UBR2: variants seen among roughly 807,000 people sequenced by gnomAD.
The protein encoded by UBR2 is E3 ubiquitin-protein ligase UBR2.
Under a neutral mutation model 247.9 loss-of-function variants are expected in UBR2, and 92 were observed. That is an observed-to-expected ratio of 0.37 (90% CI 0.31 to 0.44). UBR2 has a LOEUF of 0.44. Among genes scored for constraint, UBR2 ranks in the 20% least tolerant of loss-of-function variants. The pLI is 1.00. For missense variants in UBR2, 1,613 were observed against 2,112.6 expected (o/e 0.76, Z 4.64); for synonymous variants, 672 against 693.5 (o/e 0.97, Z 0.49).
chr6:42,632,699 C>T lies in UBR2; in HGVS notation c.1429C>T (p.Leu477Phe). 1.3e-6 allele frequency: 2 copies of T among 1,595,646 alleles called. No homozygotes were observed. Among genetic ancestry groups the T allele is most frequent in the Non-Finnish European group, 1.7e-6 (2 of 1,174,060 alleles). ...CTTCAAATTTAGGAGAGTACAGAGC[C>T]TTATTTTAGATCTCAAGTAAGTTTT... ...QAFKFRRVQSLILDLKYVLIS... is the reference protein window; with the variant it reads ...QAFKFRRVQSFILDLKYVLIS... Residue 477 changes from leucine to phenylalanine, a missense_variant, in exon 12 of 47, where the codon CTT becomes TTT. This residue lies in a region of UBR2 where 1,524 missense variants were observed against 1,967.3 expected (regional missense o/e 0.77). Coordinates refer to ENST00000372901, the MANE Select transcript of UBR2 (RefSeq NM_001363705.2).
intron 25 of UBR2, among the ~76,000 whole-genome samples, chr6:42,652,896 A>G (rs1354445611): frequency 6.6e-6 from 1 of 152,130 alleles, no homozygotes; most frequent in African/African-American, 2.4e-5. Flanking sequence ...GTCTTTATAT[A>G]TGTAGTATTC....
At chr6:42,568,432 A>G (rs892719045) in intron 1 of UBR2, among the ~76,000 whole-genome samples, 1 of 152,122 alleles carries the variant, frequency 6.6e-6, no homozygotes, top group East Asian at 1.9e-4. Context: ...AATGTTTTAA[A>G]TATTTATCCA....
At chr6:42,640,300 A>G (rs1490430233) in intron 16 of UBR2, 30 bp downstream of exon 16, 7 of 1,550,174 alleles carry the variant, frequency 4.5e-6, no homozygotes, top group Non-Finnish European at 6.1e-6. Context: ...AAAAGTGAAT[A>G]CTTATTTATT....
rs750732481 is a variant in UBR2 at position 42,688,210 on chromosome 6, T to G, written c.4854-6T>G. On this transcript the variant is annotated splice_polypyrimidine_tract_variant and splice_region_variant and intron_variant, in intron 44 of 46. Coordinates refer to ENST00000372901, the MANE Select transcript of UBR2 (RefSeq NM_001363705.2). ...CAATGACTTGTGGGTTTTTTATCCC[T>G]TGGAGGTGCCCGAAATCAGGTGGTG... is the stretch of plus-strand genomic sequence containing the variant. 1.9e-6 allele frequency: 3 copies of G among 1,614,078 alleles called. No individual in the cohort carries two copies. The highest frequency in any genetic ancestry group is 2.5e-6 in the Non-Finnish European group (3 of 1,180,030).
chr6:42,611,001 A>G (rs903343638), intron 7 of UBR2, among the ~76,000 whole-genome samples: 3 of 151,416 alleles, frequency 2.0e-5, no homozygotes, highest in African/African-American at 7.3e-5. Flanking sequence ...ATGCTCCACC[A>G]CGCTCGGCTA....
At chr6:42,622,817 T>G (rs1795079448) in intron 11 of UBR2, among the ~76,000 whole-genome samples, 1 of 150,846 alleles carries the variant, frequency 6.6e-6, no homozygotes, top group South Asian at 2.1e-4. Context: ...TTTTCCACAT[T>G]CATTTATTCT....
intron 16 of UBR2, among the ~76,000 whole-genome samples, chr6:42,640,835 T>G (rs1421318789): frequency 6.6e-6 from 1 of 152,050 alleles, no homozygotes; most frequent in Non-Finnish European, 1.5e-5. Flanking sequence ...GTTTAAGGAA[T>G]TCTCCTGCCT....
intron 7 of UBR2, among the ~76,000 whole-genome samples, chr6:42,608,564 AG>A (rs1458422749): frequency 6.6e-6 from 1 of 152,192 alleles, no homozygotes; most frequent in Non-Finnish European, 1.5e-5. Flanking sequence ...CAGGAGTCCA[AG>A]GGTATAGTGA....
chr6:42,614,375 T>TATATATGTACGTACGTACATACATAC (rs70990112), intron 8 of UBR2, among the ~76,000 whole-genome samples: 1 of 69,750 alleles, frequency 1.4e-5, no homozygotes, highest in South Asian at 5.0e-4. Context: ...TGTGTATGTG[T>TATATATGTACGTACGTACATACATAC]GTATATATGT....
chr6:42,632,069 A>AAAAATATATATATATATATATATATATAT, intron 11 of UBR2, among the ~76,000 whole-genome samples: 1 of 114,074 alleles, frequency 8.8e-6, no homozygotes, highest in African/African-American at 3.4e-5. Context: ...AAAAAAAAAA[A>AAAAATATATATATATATATATATATATAT]ATATATATAT....
At chr6:42,690,402 G>C (rs1476951695) in intron 46 of UBR2, among the ~76,000 whole-genome samples, 1 of 152,146 alleles carries the variant, frequency 6.6e-6, no homozygotes, top group Non-Finnish European at 1.5e-5. Context: ...GAGGAGGAGA[G>C]TCTGATTAGT....
chr6:42,574,550 A>G lies in UBR2; in HGVS notation c.338+557A>G, dbSNP rs187995392. ...GTATGCATTTACTGCTGTTAGGAAG[A>G]CTTTTCTTTTTTAAATTTCTTGGTG... On this transcript the variant is annotated intron_variant, in intron 2 of 46. Coordinates refer to ENST00000372901, the MANE Select transcript of UBR2 (RefSeq NM_001363705.2). Among the ~76,000 whole-genome samples the G allele has an allele frequency of 7.0e-4, 107 of 152,212 alleles. 2 individuals carry two copies. The highest frequency in any genetic ancestry group is 1.5e-4 in the Non-Finnish European group (10 of 68,004).
Position 42,658,972 on chromosome 6 carries a change from T to C in UBR2, c.3242+148T>C, listed in dbSNP as rs565637227. 1.3e-4 allele frequency: 119 copies of C among 918,344 alleles called. No individual in the cohort carries two copies. In the South Asian group the frequency reaches 1.8e-3, roughly 14 times the overall value. 56.9% of individuals were successfully genotyped at this position (918,344 alleles called of 1,614,324 possible). A position where few individuals can be genotyped will look rare whatever the true frequency, so the allele number is the denominator to read the frequency against. On this transcript the variant is annotated intron_variant, in intron 29 of 46. Coordinates refer to ENST00000372901, the MANE Select transcript of UBR2 (RefSeq NM_001363705.2). ...AATTTTGTGACCTCCATTTAGAAGA[T>C]TTAATCTTAGAAGTCTCTGAATGTA...
chr6:42,677,713 G>A (rs1471233776), intron 40 of UBR2, among the ~76,000 whole-genome samples: 1 of 152,156 alleles, frequency 6.6e-6, no homozygotes, highest in African/African-American at 2.4e-5. Context: ...GGTGAAGGCT[G>A]CAGTGAGCCA....
At chr6:42,637,664 A>G (rs1356739540) in intron 15 of UBR2, among the ~76,000 whole-genome samples, 22 of 152,126 alleles carry the variant, frequency 1.4e-4, no homozygotes, top group Admixed American at 1.2e-3. Flanking sequence ...TGTTTCATAT[A>G]TTTATTGATA....
chr6:42,592,972 A>G (rs1378461802), intron 3 of UBR2, among the ~76,000 whole-genome samples: 2 of 152,072 alleles, frequency 1.3e-5, no homozygotes, highest in Non-Finnish European at 2.9e-5. Flanking sequence ...CAGGAGATCA[A>G]CACCATCCTG....
chr6:42,644,218 G>T lies in UBR2; in HGVS notation c.2102G>T (p.Gly701Val). The T allele has an allele frequency of 6.3e-7, 1 of 1,582,780 alleles. No individual in the cohort carries two copies. Among genetic ancestry groups the T allele is most frequent in the African/African-American group, 1.4e-5 (1 of 72,578 alleles). ...FDKDVVMLQT[G>V]VSMMDPNHFL... The stretch of plus-strand genomic sequence containing the variant: ...AACATTAAAAAAAAAAAAAAGACAG[G>T]TGTCTCCATGATGGATCCAAATCAT... The change falls in exon 19 of 47, where the codon GGT (glycine) becomes GTT (valine). Residue 701 changes from glycine (G) to valine (V), a missense_variant. By Grantham distance (109) the Gly-to-Val change is moderately radical. Around this residue, in one of 3 missense-constraint regions of UBR2, gnomAD observed 1,524 missense variants for 1,967.3 expected, o/e 0.77. Coordinates refer to ENST00000372901, the MANE Select transcript of UBR2 (RefSeq NM_001363705.2).
At chr6:42,634,080 A>C (rs1320875319) in intron 13 of UBR2, among the ~76,000 whole-genome samples, 2 of 152,164 alleles carry the variant, frequency 1.3e-5, no homozygotes, top group Non-Finnish European at 2.9e-5. Context: ...AGAGGTTACA[A>C]GTTTATTTTT....
At position 42,635,411 on chromosome 6, in the gene UBR2, C is replaced by T. The variant is rs747464296; in HGVS notation, c.1546-7C>T. 36 of 1,611,598 alleles carry T rather than the reference C, an allele frequency of 2.2e-5. No individual in the cohort carries two copies. In the Admixed American group the frequency reaches 3.3e-4, roughly 15 times the overall value. The stretch of plus-strand genomic sequence containing the variant: ...CATTCATATATAATTTTTTCACTTC[C>T]GTTAAGGGAATGGATCCAATTACAC... On this transcript the variant is annotated splice_polypyrimidine_tract_variant and splice_region_variant and intron_variant, in intron 13 of 46. Transcript: ENST00000372901.
Sources: allele counts gnomAD v4.1 joint callset (sites outside exome capture counted in the v4.1 genomes callset), GRCh38; gene constraint gnomAD v4.1.1; regional missense constraint gnomAD v4.1.1; transcripts MANE v1.5; gene names NCBI Gene and HGNC (gene_info 2026-07-23, HGNC 2026-07-21).